Variants in SUSD4 observed in about 807,000 individuals in gnomAD.
SUSD4 encodes sushi domain-containing protein 4.
SUSD4 carries 41 observed loss-of-function variants against 50.5 expected under a neutral mutation model. The observed-to-expected ratio is 0.81, with a 90% confidence interval of 0.63 to 1.05. The LOEUF (loss-of-function observed/expected upper bound fraction) is 1.05. Ranked by LOEUF, SUSD4 falls within the 50% of genes least tolerant of loss-of-function variation. The pLI is 0.00. For missense variants in SUSD4, 580 were observed against 634.7 expected, an observed-to-expected ratio of 0.91 and a Z score of 0.93; for synonymous variants, 257 against 257.3, an observed-to-expected ratio of 1.00 and a Z score of 0.01.
chr1:223,307,183 C>G (rs543932803), intron 2 of SUSD4, among the ~76,000 whole-genome samples: 2 of 152,154 alleles, frequency 1.3e-5, no homozygotes, highest in Non-Finnish European at 2.9e-5. Context: ...AAAAAACCTC[C>G]CAAAGCACAA....
chr1:223,310,817 GAC>G (rs1277586947), intron 2 of SUSD4, among the ~76,000 whole-genome samples: 1 of 152,220 alleles, frequency 6.6e-6, no homozygotes, highest in East Asian at 1.9e-4. Flanking sequence ...GCCCTCTATA[GAC>G]ACAGTCTCAA....
intron 5 of SUSD4, among the ~76,000 whole-genome samples, chr1:223,235,883 GAGA>G (rs903662121): frequency 1.8e-4 from 28 of 152,266 alleles, no homozygotes; most frequent in Middle Eastern, 3.4e-3. Context: ...AAATACCAAG[GAGA>G]AGGATTGCTG....
At chr1:223,262,152 C>T (rs1176062779) in intron 5 of SUSD4, among the ~76,000 whole-genome samples, 1 of 152,168 alleles carries the variant, frequency 6.6e-6, no homozygotes, top group Non-Finnish European at 1.5e-5. Flanking sequence ...GACAGGTACC[C>T]TGAGTGTGAC....
At chr1:223,352,552 A>C (rs1668426569) in intron 2 of SUSD4, among the ~76,000 whole-genome samples, 1 of 152,132 alleles carries the variant, frequency 6.6e-6, no homozygotes, top group Non-Finnish European at 1.5e-5. Context: ...AGGCTGCAGC[A>C]AGGTACTCTT....
intron 2 of SUSD4, among the ~76,000 whole-genome samples, chr1:223,328,903 G>T (rs1229848761): frequency 6.6e-6 from 1 of 152,120 alleles, no homozygotes; most frequent in African/African-American, 2.4e-5. Context: ...TTTAATTTTG[G>T]CCTGGAGTTT....
Position 223,363,323 on chromosome 1 carries a change from A to G in SUSD4, c.103T>C (p.Trp35Arg). The G allele has an allele frequency of 6.2e-7, 1 of 1,610,884 alleles. No individual in the cohort carries two copies. Among genetic ancestry groups the G allele is most frequent in the South Asian group, 1.1e-5 (1 of 90,018 alleles). The part of the protein sequence containing the change: ...SPQRLLAVIL[W>R]FQLALCFGPA... ...CCGAAGCACAGCGCCAGCTGAAACC[A>G]CAGGATCACGGCCAAGAGTCTCTGG... The change falls in exon 2 of 9, where the codon TGG becomes CGG. Residue 35 changes from tryptophan (W) to arginine (R), a missense_variant. Trp to Arg is a moderately radical substitution (Grantham distance 101). Transcript: ENST00000366878.
intron 2 of SUSD4, among the ~76,000 whole-genome samples, chr1:223,354,236 C>T (rs1668531352): frequency 6.6e-6 from 1 of 151,972 alleles, no homozygotes; most frequent in Non-Finnish European, 1.5e-5. Flanking sequence ...AAGTCTCCCG[C>T]CCCCAAATAA....
At chr1:223,258,011 C>T (rs1661821947) in intron 5 of SUSD4, among the ~76,000 whole-genome samples, 1 of 152,200 alleles carries the variant, frequency 6.6e-6, no homozygotes, top group East Asian at 1.9e-4. Context: ...ATCACACCCC[C>T]TTTGAGTGTC....
chr1:223,321,840 T>C (rs1666590589), intron 2 of SUSD4, among the ~76,000 whole-genome samples: 1 of 152,246 alleles, frequency 6.6e-6, no homozygotes, highest in Non-Finnish European at 1.5e-5. Flanking sequence ...GCAGTATGTG[T>C]GCTTCTTTAT....
At chr1:223,339,881 T>C (rs549380063) in intron 2 of SUSD4, among the ~76,000 whole-genome samples, 1 of 152,300 alleles carries the variant, frequency 6.6e-6, no homozygotes, top group South Asian at 2.1e-4. Flanking sequence ...TTACACACAC[T>C]GAGCTGTTTC....
rs528986873 is a variant in SUSD4 at position 223,285,341 on chromosome 1, C to T, written c.361+7098G>A. Among the ~76,000 whole-genome samples the T allele has an allele frequency of 7.9e-5, 12 of 152,196 alleles. No individual in the cohort carries two copies. The South Asian group carries it at 8.3e-4, about 11-fold the overall frequency. ...GGCCAGGTTCTGGACAGATGTGTAG[C>T]GACGTTCCTCCTTCTCCTTCAACTG... On this transcript the variant is annotated intron_variant, in intron 3 of 8. Transcript: ENST00000366878.
At chr1:223,353,727 G>A (rs1668496031) in intron 2 of SUSD4, among the ~76,000 whole-genome samples, 1 of 152,088 alleles carries the variant, frequency 6.6e-6, no homozygotes. Flanking sequence ...AAATCCCGGT[G>A]CCCCAGGACA....
intron 5 of SUSD4, among the ~76,000 whole-genome samples, chr1:223,232,135 A>G (rs564001682): frequency 4.7e-4 from 71 of 152,348 alleles, no homozygotes; most frequent in African/African-American, 1.6e-3. Context: ...ACATAAAACC[A>G]GGGAGCAGAA....
At position 223,221,388 on chromosome 1, in the gene SUSD4, G is replaced by C. The variant is rs1358440180; in HGVS notation, c.*804C>G. 7 of 306,120 alleles carry C rather than the reference G, an allele frequency of 2.3e-5. No homozygotes were observed. Among genetic ancestry groups the C allele is most frequent in the African/African-American group, 1.5e-4 (7 of 46,714 alleles). The allele number at this position is 306,120 out of a possible 1,614,324, so 19.0% of individuals were successfully genotyped here. The stretch of plus-strand genomic sequence containing the variant: ...TTACCTTGGTTACTGTCTCCATCAT[G>C]AGATGTATTTGAACACATTCTGACC... On this transcript the variant is annotated 3_prime_UTR_variant, in exon 9 of 9. Coordinates refer to ENST00000366878, the MANE Select transcript of SUSD4 (RefSeq NM_017982.4).
intron 5 of SUSD4, among the ~76,000 whole-genome samples, chr1:223,234,382 C>T (rs2103009341): frequency 6.6e-6 from 1 of 152,312 alleles, no homozygotes. Context: ...AGTGCACAGG[C>T]AGTGATCTTG....
At chr1:223,292,342 A>G in intron 3 of SUSD4, 97 bp downstream of exon 3, 1 of 1,344,412 alleles carries the variant, frequency 7.4e-7, no homozygotes, top group South Asian at 1.2e-5. Context: ...ATCAGAGAGA[A>G]GAGCCCAGGG....
rs987530030 is a variant in SUSD4, at chr1:223,332,784, T to C, written c.148+30494A>G. 6.6e-6 allele frequency among the ~76,000 whole-genome samples: 1 copy of C among 152,098 alleles called. No homozygotes were observed. The highest frequency in any genetic ancestry group is 1.5e-5 in the Non-Finnish European group (1 of 68,010). Reference sequence around the variant, plus strand: ...TGAGGCTCGGAGGTCTAAGGTTTGCTCCTTCTCTGTCCTGCCCCTGTCCTT... The same window carrying C: ...TGAGGCTCGGAGGTCTAAGGTTTGCCCCTTCTCTGTCCTGCCCCTGTCCTT... On this transcript the variant is annotated intron_variant, in intron 2 of 8. Coordinates refer to ENST00000366878, the MANE Select transcript of SUSD4 (RefSeq NM_017982.4). This position sits in a 1 kb window ranked among gnomAD's most constrained non-coding sequence, Gnocchi z 4.0.
intron 2 of SUSD4, among the ~76,000 whole-genome samples, chr1:223,357,317 G>A (rs1668720212): frequency 6.6e-6 from 1 of 152,182 alleles, no homozygotes; most frequent in Non-Finnish European, 1.5e-5. Flanking sequence ...TCTCAGGGCA[G>A]GGGGTGTTCC....
intron 2 of SUSD4, among the ~76,000 whole-genome samples, chr1:223,321,119 C>T (rs543446953): frequency 4.4e-4 from 67 of 152,262 alleles, no homozygotes; most frequent in Non-Finnish European, 7.5e-4. Context: ...AGGCCATTGC[C>T]CTACTCCACA....
Sources: allele counts gnomAD v4.1 joint callset (sites outside exome capture counted in the v4.1 genomes callset), GRCh38; gene constraint gnomAD v4.1.1; non-coding constraint Gnocchi (gnomAD v3.1); transcripts MANE v1.5; gene names NCBI Gene and HGNC (gene_info 2026-07-23, HGNC 2026-07-21).